The following ADGRV1 variants were observed in gnomAD, a reference collection of about 807,000 sequenced individuals.
The protein encoded by ADGRV1 is G-protein coupled receptor 98.
A neutral mutation model predicts 596.2 loss-of-function variants in ADGRV1; 359 were observed. The observed-to-expected ratio is 0.60, with a 90% CI of 0.55 to 0.66. ADGRV1 has a LOEUF of 0.66. Among genes scored for constraint, ADGRV1 ranks in the 30% least tolerant of loss-of-function variants. ADGRV1 has a pLI of 0.00. For missense variants in ADGRV1, 7,274 were observed against 7,575.6 expected, an observed-to-expected ratio of 0.96 and a Z score of 1.48; for synonymous variants, 2,681 against 2,679.2, an observed-to-expected ratio of 1.00 and a Z score of -0.02.
intron 1 of ADGRV1, among the ~76,000 whole-genome samples, chr5:90,562,417 G>A (rs900633881): frequency 6.6e-6 from 1 of 152,152 alleles, no homozygotes; most frequent in African/African-American, 2.4e-5. Flanking sequence ...CAGCACCCCA[G>A]CTCTGTTGCC....
chr5:91,065,472 A>G (rs1252498088), intron 85 of ADGRV1, among the ~76,000 whole-genome samples: 1 of 152,226 alleles, frequency 6.6e-6, no homozygotes, highest in Non-Finnish European at 1.5e-5. Context: ...GCCAGGGTCA[A>G]CTTGTTCTTT....
intron 59 of ADGRV1, among the ~76,000 whole-genome samples, chr5:90,764,630 C>T (rs1258707476): frequency 6.6e-6 from 1 of 152,148 alleles, no homozygotes; most frequent in Non-Finnish European, 1.5e-5. Context: ...GCTCCCCCTC[C>T]CTTATGGGCA....
In ADGRV1 at chr5:90,985,403, G is replaced by A. The variant is rs781280468; in HGVS notation, c.18033G>A (p.Leu6011=). Residue 6011 remains leucine (L), a synonymous_variant, in exon 85 of 90, where the codon CTG becomes CTA. Transcript: ENST00000405460. ...MNDEHTERRY[L]LFFLLSWGLP... ...ATGAGCACACAGAGAGGCGATATCT[G>A]CTGTTTTTCCTTCTGAGTTGGGGAC... The A allele has an allele frequency of 1.9e-6, 3 of 1,613,756 alleles. No homozygotes were observed. The South Asian group carries it at 3.3e-5, about 18-fold the overall frequency.
chr5:90,710,918 C>A, intron 39 of ADGRV1, 63 bp from the exon 40 acceptor site: 1 of 952,950 alleles, frequency 1.0e-6, no homozygotes, highest in Non-Finnish European at 1.6e-6. Context: ...TCTTTAAATC[C>A]TATATCAAAA....
chr5:90,831,278 T>TACAC (rs899803255), intron 77 of ADGRV1, among the ~76,000 whole-genome samples: 9 of 148,986 alleles, frequency 6.0e-5, no homozygotes, highest in African/African-American at 2.3e-4. Flanking sequence ...TATACATATA[T>TACAC]ATACACACAC....
intron 84 of ADGRV1, among the ~76,000 whole-genome samples, chr5:90,983,876 T>G (rs994789451): frequency 2.0e-5 from 3 of 152,216 alleles, no homozygotes; most frequent in African/African-American, 7.2e-5. Flanking sequence ...CCCTCAAGGC[T>G]AATTTGGTAC....
chr5:90,676,918 T>C (rs1744300439), intron 25 of ADGRV1: 1 of 152,228 alleles, frequency 6.6e-6, no homozygotes, highest in Non-Finnish European at 1.5e-5. Context: ...TCAAACTTAT[T>C]TCATGACAGA....
chr5:90,789,616 G>A (rs1172538340), intron 68 of ADGRV1, 86 bp from the exon 69 acceptor site: 1 of 774,470 alleles, frequency 1.3e-6, no homozygotes, highest in Non-Finnish European at 2.0e-6. Flanking sequence ...CATTTCCTCA[G>A]CTTCTCTGTT....
At position 90,713,334 on chromosome 5, in the gene ADGRV1, A is replaced by T. The variant is rs564154168; in HGVS notation, c.9184+906A>T. Reference sequence around the variant, plus strand: ...AATACATTGATATTTCTAAGTCCCCAGAAGCCTTTTTTTTTTTTTTTGAGG... The same window carrying T: ...AATACATTGATATTTCTAAGTCCCCTGAAGCCTTTTTTTTTTTTTTTGAGG... On this transcript the variant is annotated intron_variant, in intron 42 of 89. Coordinates refer to ENST00000405460, the MANE Select transcript of ADGRV1 (RefSeq NM_032119.4). 2.8e-5 allele frequency among the ~76,000 whole-genome samples: 4 copies of T among 144,046 alleles called. No individual in the cohort carries two copies. In the South Asian group the frequency reaches 6.5e-4, roughly 23 times the overall value. The allele number at this position is 144,046 out of a possible 152,430, so 94.5% of individuals were successfully genotyped here.
chr5:90,786,880 G>C (rs1418294040), intron 67 of ADGRV1, among the ~76,000 whole-genome samples: 2 of 152,164 alleles, frequency 1.3e-5, no homozygotes, highest in Non-Finnish European at 2.9e-5. Context: ...AGGCAGGGCA[G>C]CATGCGACTG....
intron 85 of ADGRV1, among the ~76,000 whole-genome samples, chr5:91,006,128 A>C (rs1341296099): frequency 6.6e-6 from 1 of 152,144 alleles, no homozygotes; most frequent in Admixed American, 6.6e-5. Flanking sequence ...TGGAAGTTTA[A>C]TTTTATTTAA....
At chr5:91,101,343 G>A (rs1384451571) in intron 86 of ADGRV1, among the ~76,000 whole-genome samples, 2 of 152,142 alleles carry the variant, frequency 1.3e-5, no homozygotes, top group African/African-American at 4.8e-5. Context: ...AGGATTTTAG[G>A]TGTTAATTGA....
At chr5:90,665,399 G>A (rs201212230) in intron 21 of ADGRV1, among the ~76,000 whole-genome samples, 24,511 of 151,208 alleles carry the variant, frequency 0.16, 2,173 homozygotes, top group East Asian at 0.4. Flanking sequence ...GTTTATTTGC[G>A]TAGAGGTGTT....
At chr5:90,670,387 A>G (rs567267550) in intron 21 of ADGRV1, among the ~76,000 whole-genome samples, 1 of 152,362 alleles carries the variant, frequency 6.6e-6, no homozygotes, top group South Asian at 2.1e-4. Context: ...AATGGCCTGA[A>G]GTATGAAGCT....
At chr5:90,622,399 T>C (rs1764205346) in intron 4 of ADGRV1, among the ~76,000 whole-genome samples, 198 bp from the exon 5 acceptor site, 1 of 152,252 alleles carries the variant, frequency 6.6e-6, no homozygotes, top group African/African-American at 2.4e-5. Flanking sequence ...AGTTTTTATG[T>C]TCCCTTTACA....
chr5:90,898,744 G>A (rs1297341636), intron 83 of ADGRV1, among the ~76,000 whole-genome samples: 2 of 152,120 alleles, frequency 1.3e-5, no homozygotes, highest in Admixed American at 1.3e-4. Context: ...AGCAGTTTGA[G>A]ACCAAGCCTA....
chr5:90,578,090 T>G (rs566237164), intron 1 of ADGRV1, among the ~76,000 whole-genome samples: 3 of 152,340 alleles, frequency 2.0e-5, no homozygotes, highest in African/African-American at 7.2e-5. Context: ...TTTTCCTGAT[T>G]GAATACCTTG....
intron 18 of ADGRV1, among the ~76,000 whole-genome samples, chr5:90,652,101 T>C (rs1175826129): frequency 6.6e-6 from 1 of 152,184 alleles, no homozygotes; most frequent in Non-Finnish European, 1.5e-5. Context: ...TATTTTTTGA[T>C]GGAGCTTAGA....
intron 85 of ADGRV1, among the ~76,000 whole-genome samples, chr5:91,059,123 T>C (rs1787172685): frequency 6.6e-6 from 1 of 152,196 alleles, no homozygotes; most frequent in Non-Finnish European, 1.5e-5. Context: ...ACAGTGATCA[T>C]GGTTATCTTT....
Sources: gnomAD v4.1 joint callset for allele counts (sites outside exome capture counted in the v4.1 genomes callset) on GRCh38, gnomAD v4.1.1 for gene constraint, MANE v1.5 for transcripts, NCBI Gene and HGNC (gene_info 2026-07-23, HGNC 2026-07-21) for gene names.